LRRC71: variants seen among roughly 807,000 people sequenced by gnomAD.
The protein encoded by LRRC71 is leucine-rich repeat-containing protein 71.
LRRC71 carries 54 observed loss-of-function variants against 66.6 expected under a neutral mutation model. That is an observed-to-expected ratio of 0.81 (90% CI 0.65 to 1.02). The LOEUF is 1.02. LRRC71 is among the 50% of genes least tolerant of loss of function. The probability of loss-of-function intolerance (pLI) is 0.00; values close to 1 mark genes in which losing one functional copy is unlikely to be tolerated. For missense variants in LRRC71, 724 were observed against 718.0 expected (o/e 1.01, Z -0.10); for synonymous variants, 323 against 303.9 (o/e 1.06, Z -0.65).
downstream of LRRC71, among the ~76,000 whole-genome samples, chr1:156,937,770 A>C (rs1655802806): frequency 6.6e-6 from 1 of 152,174 alleles, no homozygotes; most frequent in Non-Finnish European, 1.5e-5. Context: ...GCAGTGTTTC[A>C]TTTGGGGAAA....
At chr1:156,937,334 C>T (rs201607774), downstream of LRRC71, 56 of 1,613,402 alleles carry the variant, frequency 3.5e-5, no homozygotes, top group Non-Finnish European at 3.9e-5. Flanking sequence ...TGGAGGAGAG[C>T]GGCTGGGGCG....
At chr1:156,933,825 A>G (rs534641055), downstream of LRRC71, among the ~76,000 whole-genome samples, 1 of 152,272 alleles carries the variant, frequency 6.6e-6, no homozygotes, top group Non-Finnish European at 1.5e-5. Context: ...TTTCTTCCTC[A>G]CTTCTAAGCA....
At chr1:156,937,413 G>T (rs1434991404), downstream of LRRC71, 11 of 1,587,104 alleles carry the variant, frequency 6.9e-6, no homozygotes, top group Non-Finnish European at 8.6e-6. Flanking sequence ...AGGCTGTCAG[G>T]CTGAGGGGGG....
intron 5 of LRRC71, among the ~76,000 whole-genome samples, chr1:156,925,562 G>T (rs1653066971): frequency 6.6e-6 from 1 of 152,208 alleles, no homozygotes; most frequent in African/African-American, 2.4e-5. Context: ...TGAGCTGAAG[G>T]AGGCCTAGGA....
intron 5 of LRRC71, among the ~76,000 whole-genome samples, chr1:156,926,478 G>A (rs1487542093): frequency 2.0e-5 from 3 of 152,136 alleles, no homozygotes; most frequent in Non-Finnish European, 4.4e-5. Context: ...GGAAGCCACC[G>A]CCTTTGTAGC....
Position 156,932,995 on chromosome 1 carries a change from G to A in LRRC71, c.*26G>A. 1 of 1,525,242 alleles carries A rather than the reference G, an allele frequency of 6.6e-7. No homozygotes were observed. The highest frequency in any genetic ancestry group is 8.9e-7 in the Non-Finnish European group (1 of 1,124,412). 94.5% of individuals were successfully genotyped at this position (1,525,242 alleles called of 1,614,324 possible). ...CCCCCTCCCACCTGCTTGCCTCTAA[G>A]ACTCGGGGCTACAGAAGCACCTCCT... is the stretch of plus-strand genomic sequence containing the variant. On this transcript the variant is annotated 3_prime_UTR_variant, in exon 15 of 15. Transcript: ENST00000337428.
chr1:156,924,173 C>A, intron 2 of LRRC71, 75 bp downstream of exon 2: 1 of 1,476,930 alleles, frequency 6.8e-7, no homozygotes. Flanking sequence ...CCACGCCGGG[C>A]CAAATGGAGG....
rs1248356169 is a variant in LRRC71 at position 156,930,592 on chromosome 1, A to G, written c.1304A>G (p.Lys435Arg). The G allele has an allele frequency of 1.3e-6, 2 of 1,567,072 alleles. No homozygotes were observed. The highest frequency in any genetic ancestry group is 2.4e-5 in the East Asian group (1 of 42,034). The change falls in exon 12 of 15, where the codon AAG becomes AGG. Residue 435 changes from lysine to arginine, a missense_variant. Coordinates refer to ENST00000337428, the MANE Select transcript of LRRC71 (RefSeq NM_144702.3). The part of the protein sequence containing the change: ...AKGIKIGSRE[K>R]RSILLESELV... ...GGGATCAAGATCGGGAGCAGAGAGA[A>G]GCGCAGCATCCTCCTGGAGTCCGAG...
intron 9 of LRRC71, 45 bp from the exon 10 acceptor site, chr1:156,929,235 G>A: frequency 2.6e-6 from 4 of 1,560,340 alleles, no homozygotes; most frequent in Non-Finnish European, 3.5e-6. Context: ...CATTGAGGAA[G>A]GGGCTCTGGC....
At position 156,927,230 on chromosome 1, in the gene LRRC71, C is replaced by G; in HGVS notation, c.622C>G (p.Pro208Ala). 1 of 1,613,604 alleles carries G rather than the reference C, an allele frequency of 6.2e-7. No individual in the cohort carries two copies. Among genetic ancestry groups the G allele is most frequent in the Non-Finnish European group, 8.5e-7 (1 of 1,179,748 alleles). Residue 208 changes from proline (P) to alanine (A), a missense_variant, in exon 6 of 15, where the codon CCG becomes GCG. Pro to Ala is a conservative substitution (Grantham distance 27). Transcript: ENST00000337428. ...GGTGTCTCTGGAGGGGAACCCACTG[C>G]CGGAGCAGTCCTATCACAAGCTCAT... is the stretch of plus-strand genomic sequence containing the variant. The part of the protein sequence containing the change: ...RKVSLEGNPL[P>A]EQSYHKLMAL...
At chr1:156,936,136 G>A, downstream of LRRC71, 3 of 1,439,620 alleles carry the variant, frequency 2.1e-6, no homozygotes, top group Non-Finnish European at 2.0e-6. Context: ...GAAAGTTCAG[G>A]CTCACGAGAA....
At chr1:156,922,713 T>C (rs964794740) in intron 1 of LRRC71, among the ~76,000 whole-genome samples, 1 of 152,298 alleles carries the variant, frequency 6.6e-6, no homozygotes, top group East Asian at 1.9e-4. Flanking sequence ...AACTTCAGCA[T>C]CATCTGGGAA....
chr1:156,922,374 C>T (rs954529072), intron 1 of LRRC71, among the ~76,000 whole-genome samples: 1 of 152,110 alleles, frequency 6.6e-6, no homozygotes, highest in Non-Finnish European at 1.5e-5. Context: ...GATAGGACAA[C>T]ATGGAGGTCA....
In LRRC71 at chr1:156,927,817, G is replaced by GT; in HGVS notation, c.906+2dup. 6.2e-7 allele frequency: 1 copy of GT among 1,613,540 alleles called. No homozygotes were observed. Among genetic ancestry groups the GT allele is most frequent in the East Asian group, 2.2e-5 (1 of 44,862 alleles). Reference sequence around the variant, plus strand: ...CAAGGGCGCCCTGAAGCTGGCTGAGGTGGGTGTGCCGATCAGGTGGGGCAG... The same window carrying GT: ...CAAGGGCGCCCTGAAGCTGGCTGAGGTTGGGTGTGCCGATCAGGTGGGGCAG... On this transcript the variant is annotated splice_donor_variant, in intron 8 of 14. Transcript: ENST00000337428. LOFTEE classifies it high-confidence loss of function.
At chr1:156,935,839 A>T (rs931240998), downstream of LRRC71, 15 of 773,312 alleles carry the variant, frequency 1.9e-5, no homozygotes, top group Non-Finnish European at 3.1e-5. Flanking sequence ...GAGCAGACCA[A>T]GCAACATGCG....
chr1:156,923,843 C>T (rs1652759891), intron 1 of LRRC71, 106 bp from the exon 2 acceptor site: 1 of 1,198,884 alleles, frequency 8.3e-7, no homozygotes, highest in Non-Finnish European at 1.1e-6. Context: ...AGTTGAATGG[C>T]TGCAAAAATA....
chr1:156,935,673 G>A (rs879506350), downstream of LRRC71: 46 of 257,478 alleles, frequency 1.8e-4, no homozygotes, highest in Middle Eastern at 2.2e-3. Context: ...TGAGGGCAGC[G>A]CACATACAGG....
At chr1:156,930,076 CTTT>C (rs139472171) in intron 11 of LRRC71, among the ~76,000 whole-genome samples, 27 of 42,502 alleles carry the variant, frequency 6.4e-4, no homozygotes, top group Non-Finnish European at 1.1e-3. Context: ...TTCTTTCTTT[CTTT>C]TCTTTCTTTC....
chr1:156,927,597 T>C lies in LRRC71; in HGVS notation c.764T>C (p.Val255Ala). Residue 255 changes from valine to alanine, a missense_variant, in exon 7 of 15, where the codon GTC becomes GCC. Physicochemically the swap from Val to Ala is moderately conservative, Grantham distance 64 (BLOSUM62 0). Coordinates refer to ENST00000337428, the MANE Select transcript of LRRC71 (RefSeq NM_144702.3). ...STLHSCNRTL[V>A]SLNLGFNHIG... ...CTGCACAGCTGCAACCGGACCCTCG[T>C]CTCGCTCAACCTGGGTTTCAACCAC... 1.2e-6 allele frequency: 2 copies of C among 1,600,360 alleles called. No homozygotes were observed. The highest frequency in any genetic ancestry group is 8.5e-7 in the Non-Finnish European group (1 of 1,173,188).
Sources: allele counts gnomAD v4.1 joint callset (sites outside exome capture counted in the v4.1 genomes callset), GRCh38; gene constraint gnomAD v4.1.1; transcripts MANE v1.5; gene names NCBI Gene and HGNC (gene_info 2026-07-23, HGNC 2026-07-21).